The following ADAMTSL1 variants were observed in gnomAD, a reference collection of about 807,000 sequenced individuals.
ADAMTSL1 encodes the protein ADAMTS like 1.
Under a neutral mutation model 201.8 loss-of-function variants are expected in ADAMTSL1, and 126 were observed. The observed-to-expected ratio is 0.62, with a 90% confidence interval of 0.54 to 0.72. The LOEUF is 0.72. Ranked by LOEUF, ADAMTSL1 falls within the 30% of genes least tolerant of loss-of-function variation. The pLI is 0.00. For missense variants in ADAMTSL1, 2,679 were observed against 2,277.8 expected, an observed-to-expected ratio of 1.18 and a Z score of -3.59; for synonymous variants, 1,121 against 903.4, an observed-to-expected ratio of 1.24 and a Z score of -4.32.
At chr9:18,034,054 A>G (rs188110327) in intron 1 of ADAMTSL1, among the ~76,000 whole-genome samples, 32 of 152,026 alleles carry the variant, frequency 2.1e-4, no homozygotes, top group African/African-American at 7.2e-4. Context: ...GGTTCTTTCT[A>G]TTGTTCTATG....
rs1213549771 is a variant in ADAMTSL1, at chr9:18,829,894, C to A, written c.4166C>A (p.Ala1389Asp). The change falls in exon 23 of 29, where the codon GCC (alanine) becomes GAC (aspartate). Residue 1389 changes from alanine to aspartate, a missense_variant. Transcript: ENST00000380548. ...QLEDIRALLA[A>D]TGPNLPSVLT... ...GAAGACATCAGGGCCTTGCTCGCTG[C>A]CACTGGACCGAACCTTCCTTCAGTG... 1.9e-6 allele frequency: 3 copies of A among 1,613,836 alleles called. No individual in the cohort carries two copies. The highest frequency in any genetic ancestry group is 2.5e-6 in the Non-Finnish European group (3 of 1,179,868).
At chr9:18,755,426 A>G (rs1819696351) in intron 16 of ADAMTSL1, among the ~76,000 whole-genome samples, 1 of 152,234 alleles carries the variant, frequency 6.6e-6, no homozygotes, top group African/African-American at 2.4e-5. Flanking sequence ...GAATAGATGA[A>G]GAATGCTCCT....
intron 3 of ADAMTSL1, among the ~76,000 whole-genome samples, chr9:18,548,539 T>C (rs1323374139): frequency 6.6e-6 from 1 of 151,998 alleles, no homozygotes; most frequent in Non-Finnish European, 1.5e-5. Flanking sequence ...CTACAAGGAG[T>C]GTTTAAAAAG....
intron 1 of ADAMTSL1, among the ~76,000 whole-genome samples, chr9:18,003,442 G>A (rs1244224967): frequency 2.0e-5 from 3 of 152,064 alleles, no homozygotes. Flanking sequence ...CTCCCGGCCA[G>A]TTCCAATGAT....
At chr9:18,439,590 C>A (rs1819906243) in intron 2 of ADAMTSL1, among the ~76,000 whole-genome samples, 1 of 152,198 alleles carries the variant, frequency 6.6e-6, no homozygotes, top group African/African-American at 2.4e-5. Context: ...TGGTCTCGAT[C>A]TCCTGACCTC....
chr9:18,642,285 C>G (rs1380718718), intron 7 of ADAMTSL1, among the ~76,000 whole-genome samples: 1 of 81,500 alleles, frequency 1.2e-5, no homozygotes, highest in South Asian at 4.7e-4. Context: ...AACAAGTTCT[C>G]TTTTAATTTT....
chr9:18,155,970 C>T lies in ADAMTSL1; in HGVS notation c.88-7892C>T, dbSNP rs150356238. Among the ~76,000 whole-genome samples, 225 of 152,060 alleles carry T rather than the reference C, an allele frequency of 1.5e-3. 1 individual carries two copies. The highest frequency in any genetic ancestry group is 2.3e-3 in the African/African-American group (97 of 41,508). On this transcript the variant is annotated intron_variant, in intron 1 of 29. Coordinates refer to the ADAMTSL1 transcript ENST00000680146. ...AGCTATCAGATTGCAGTGCATCAGA[C>T]GGAATGCATGCCTATCTTTTGTGGA...
chr9:18,083,344 T>C (rs532185618), intron 1 of ADAMTSL1, among the ~76,000 whole-genome samples: 1 of 152,316 alleles, frequency 6.6e-6, no homozygotes, highest in South Asian at 2.1e-4. Context: ...TAATAATATA[T>C]GGAGATATTC....
chr9:17,983,068 C>T (rs35678483), intron 1 of ADAMTSL1, among the ~76,000 whole-genome samples: 70,267 of 96,378 alleles, frequency 0.73, 24,676 homozygotes, highest in East Asian at 0.92. Context: ...TTCTTTCTTT[C>T]TTTCTTTCTT....
rs1822549380 is a variant in ADAMTSL1 at position 18,574,212 on chromosome 9, T to C, written c.420T>C (p.Asp140=). The C allele has an allele frequency of 1.9e-6, 3 of 1,614,194 alleles. No homozygotes were observed. Among genetic ancestry groups the C allele is most frequent in the Non-Finnish European group, 2.5e-6 (3 of 1,180,016 alleles). ...LVVELAPKVL[D]GTRCYTESLD... is the part of the protein sequence containing the mutation. ...TTGAACTAGCACCTAAGGTCTTAGA[T>C]GGTACGCGTTGCTATACAGAATCTT... The change falls in exon 4 of 29, where the codon GAT becomes GAC. Residue 140 remains aspartate, a synonymous_variant. Transcript: ENST00000380548.
intron 2 of ADAMTSL1, among the ~76,000 whole-genome samples, chr9:18,202,392 G>A (rs1163476875): frequency 6.6e-6 from 1 of 152,222 alleles, no homozygotes; most frequent in African/African-American, 2.4e-5. Context: ...AGTAGTTAAT[G>A]TTCTTTCAAT....
intron 2 of ADAMTSL1, among the ~76,000 whole-genome samples, chr9:18,316,559 T>C (rs1020747981): frequency 7.2e-5 from 11 of 152,182 alleles, no homozygotes; most frequent in Admixed American, 7.2e-4. Flanking sequence ...CTGTTCCGCC[T>C]GGCTCACTGG....
intron 2 of ADAMTSL1, among the ~76,000 whole-genome samples, chr9:18,417,249 G>A (rs1191422127): frequency 1.3e-5 from 2 of 151,406 alleles, no homozygotes; most frequent in Non-Finnish European, 2.9e-5. Flanking sequence ...TTGAGAGGGG[G>A]AATTTATGGC....
chr9:18,308,992 C>G (rs1834014526), intron 2 of ADAMTSL1, among the ~76,000 whole-genome samples: 1 of 152,156 alleles, frequency 6.6e-6, no homozygotes, highest in Non-Finnish European at 1.5e-5. Flanking sequence ...CCACCATGAT[C>G]AAGTCAGCTT....
At chr9:18,429,686 G>A (rs1819396379) in intron 2 of ADAMTSL1, among the ~76,000 whole-genome samples, 2 of 151,886 alleles carry the variant, frequency 1.3e-5, no homozygotes, top group Non-Finnish European at 2.9e-5. Flanking sequence ...TTAGAAGGAG[G>A]GGTCTAAAAG....
chr9:18,528,572 G>A (rs1020790499), intron 2 of ADAMTSL1, among the ~76,000 whole-genome samples: 8 of 152,150 alleles, frequency 5.3e-5, no homozygotes, highest in African/African-American at 1.9e-4. Flanking sequence ...ATTCCATGGT[G>A]TATATGGACC....
At chr9:18,735,447 CCACT>C (rs1217430295) in intron 15 of ADAMTSL1, among the ~76,000 whole-genome samples, 2 of 152,178 alleles carry the variant, frequency 1.3e-5, no homozygotes, top group Non-Finnish European at 2.9e-5. Flanking sequence ...TTTCAGAGCC[CCACT>C]ATCTGATCAG....
chr9:18,709,075 A>T (rs536401505), intron 14 of ADAMTSL1, among the ~76,000 whole-genome samples: 1 of 152,194 alleles, frequency 6.6e-6, no homozygotes, highest in South Asian at 2.1e-4. Flanking sequence ...AAGTTACTGA[A>T]ATCTCTTAGG....
At chr9:17,965,444 T>C (rs952053377) in intron 1 of ADAMTSL1, among the ~76,000 whole-genome samples, 6 of 152,306 alleles carry the variant, frequency 3.9e-5, no homozygotes, top group African/African-American at 1.4e-4. Flanking sequence ...TCTGGCATTG[T>C]GGAATAAAAA....
Sources: gnomAD v4.1 joint callset for allele counts (sites outside exome capture counted in the v4.1 genomes callset) on GRCh38, gnomAD v4.1.1 for gene constraint, MANE v1.5 for transcripts, NCBI Gene and HGNC (gene_info 2026-07-23, HGNC 2026-07-21) for gene names.